The following SSH2 variants were observed in gnomAD, a reference collection of about 807,000 sequenced individuals.
SSH2 encodes protein phosphatase Slingshot homolog 2.
In SSH2, 37 loss-of-function variants were observed where a neutral mutation model predicts 135.2. The observed-to-expected ratio is 0.27, with a 90% CI of 0.21 to 0.36. SSH2 has a LOEUF of 0.36. Ranked by LOEUF, SSH2 falls within the 10% of genes least tolerant of loss-of-function variation. The pLI is 1.00. For synonymous variants in SSH2, 628 were observed against 646.2 expected, an observed-to-expected ratio of 0.97 and a Z score of 0.43; for missense variants, 1,408 against 1,765.3, an observed-to-expected ratio of 0.80 and a Z score of 3.63.
chr17:29,752,074 T>G (rs535569717), intron 3 of SSH2, among the ~76,000 whole-genome samples: 16 of 152,288 alleles, frequency 1.1e-4, no homozygotes, highest in African/African-American at 3.8e-4. Flanking sequence ...GAATAATAGA[T>G]CCATACATCA....
chr17:29,743,988 A>G (rs2040665710), intron 3 of SSH2, among the ~76,000 whole-genome samples: 1 of 143,454 alleles, frequency 7.0e-6, no homozygotes, highest in Non-Finnish European at 1.5e-5. Context: ...GCCACTGTGG[A>G]GAATCCTATC....
intron 6 of SSH2, among the ~76,000 whole-genome samples, chr17:29,680,947 C>G (rs542796593): frequency 6.6e-6 from 1 of 151,992 alleles, no homozygotes; most frequent in Admixed American, 6.6e-5. Flanking sequence ...GATCTATAAG[C>G]TTGTGACCAG....
At chr17:29,857,475 G>T (rs2065683249) in intron 1 of SSH2, among the ~76,000 whole-genome samples, 1 of 152,124 alleles carries the variant, frequency 6.6e-6, no homozygotes, top group African/African-American at 2.4e-5. Context: ...TGGGGACACA[G>T]TCAAACCATA....
chr17:29,676,010 T>C (rs1391401655), intron 8 of SSH2: 2 of 152,220 alleles, frequency 1.3e-5, no homozygotes, highest in Non-Finnish European at 2.9e-5. Context: ...AGCCCTGAAA[T>C]GTCCATATGC....
intron 2 of SSH2, among the ~76,000 whole-genome samples, chr17:29,817,905 G>A (rs1429764549): frequency 1.3e-5 from 2 of 151,676 alleles, no homozygotes; most frequent in Admixed American, 6.6e-5. Flanking sequence ...CTACAGGCAT[G>A]TGCCACCATG....
At chr17:29,882,653 G>T (rs893127643) in intron 1 of SSH2, among the ~76,000 whole-genome samples, 3 of 152,148 alleles carry the variant, frequency 2.0e-5, no homozygotes, top group African/African-American at 7.2e-5. Flanking sequence ...TCAGGAGACT[G>T]AGGCAGGAGA....
intron 3 of SSH2, among the ~76,000 whole-genome samples, chr17:29,707,438 TAAGAG>T (rs907873470): frequency 6.6e-6 from 1 of 151,710 alleles, no homozygotes; most frequent in African/African-American, 2.4e-5. Context: ...AATTCACATA[TAAGAG>T]AAAAGAGGCT....
At chr17:29,885,309 C>T (rs527970685) in intron 1 of SSH2, among the ~76,000 whole-genome samples, 4 of 145,060 alleles carry the variant, frequency 2.8e-5, no homozygotes, top group East Asian at 2.0e-4. Context: ...ACTTTTAACT[C>T]TTATTAACCA....
At chr17:29,635,616 G>A (rs1348018627) in intron 15 of SSH2, among the ~76,000 whole-genome samples, 1 of 151,848 alleles carries the variant, frequency 6.6e-6, no homozygotes, top group Non-Finnish European at 1.5e-5. Context: ...CACCGTGTTA[G>A]CCAGGATGGT....
intron 2 of SSH2, among the ~76,000 whole-genome samples, chr17:29,834,862 C>T (rs1276551975): frequency 6.6e-6 from 1 of 152,122 alleles, no homozygotes; most frequent in East Asian, 1.9e-4. Flanking sequence ...AATGGCTTCA[C>T]TATATTACCA....
intron 1 of SSH2, among the ~76,000 whole-genome samples, chr17:29,918,512 AT>A (rs1035075140): frequency 4.6e-5 from 7 of 152,248 alleles, no homozygotes; most frequent in African/African-American, 1.7e-4. Context: ...AGATGTTAAA[AT>A]TCAGAAGAAA....
intron 2 of SSH2, among the ~76,000 whole-genome samples, chr17:29,817,417 TC>T (rs1364161663): frequency 6.6e-6 from 1 of 152,182 alleles, no homozygotes; most frequent in Non-Finnish European, 1.5e-5. Context: ...ATGCATCTTA[TC>T]CCCTTGAAGA....
chr17:29,837,982 C>T (rs538869578), intron 2 of SSH2, among the ~76,000 whole-genome samples: 3 of 152,318 alleles, frequency 2.0e-5, no homozygotes, highest in Non-Finnish European at 2.9e-5. Flanking sequence ...CTGGAGCAGG[C>T]GGGAGCCCTG....
chr17:29,634,741 TG>T (rs1316648694), intron 15 of SSH2, among the ~76,000 whole-genome samples: 1 of 151,410 alleles, frequency 6.6e-6, no homozygotes, highest in Non-Finnish European at 1.5e-5. Context: ...TTAGTAGAGA[TG>T]GGGTTTCACC....
intron 1 of SSH2, among the ~76,000 whole-genome samples, chr17:29,869,821 C>T (rs1165893909): frequency 1.3e-5 from 2 of 151,866 alleles, no homozygotes; most frequent in African/African-American, 4.8e-5. Flanking sequence ...CTGTGTTGAT[C>T]TCTGCACAGA....
At chr17:29,847,561 A>G (rs918641824) in intron 2 of SSH2, among the ~76,000 whole-genome samples, 7 of 151,922 alleles carry the variant, frequency 4.6e-5, no homozygotes, top group African/African-American at 1.7e-4. Context: ...CTGACCCACA[A>G]CTCTTCCCTT....
chr17:29,797,609 G>C (rs572647179), intron 2 of SSH2, among the ~76,000 whole-genome samples: 1 of 152,148 alleles, frequency 6.6e-6, no homozygotes, highest in Non-Finnish European at 1.5e-5. Context: ...CACGAACAAA[G>C]TTATTAGCCA....
At chr17:29,907,331 TAC>T (rs1480497329) in intron 1 of SSH2, among the ~76,000 whole-genome samples, 1 of 149,708 alleles carries the variant, frequency 6.7e-6, no homozygotes, top group Non-Finnish European at 1.5e-5. Flanking sequence ...GGTGGGGAAG[TAC>T]ACACACTGGG....
chr17:29,839,746 G>C (rs560700143), intron 2 of SSH2, among the ~76,000 whole-genome samples: 119 of 152,240 alleles, frequency 7.8e-4, no homozygotes, highest in African/African-American at 2.8e-3. Flanking sequence ...AACTAGAGTT[G>C]AGAATCACTA....
Sources: allele counts gnomAD v4.1 joint callset (sites outside exome capture counted in the v4.1 genomes callset), GRCh38; gene constraint gnomAD v4.1.1; transcripts MANE v1.5; gene names NCBI Gene and HGNC (gene_info 2026-07-23, HGNC 2026-07-21).